Variants in METTL15 observed in about 807,000 individuals in gnomAD.
The protein encoded by METTL15 is methyltransferase 15, mitochondrial 12S rRNA N4-cytidine, also known as 12S rRNA N(4)-cytidine methyltransferase METTL15.
In METTL15, 34 loss-of-function variants were observed where a neutral mutation model predicts 38.3. That is an observed-to-expected ratio of 0.89 (90% CI 0.68 to 1.18). The LOEUF (loss-of-function observed/expected upper bound fraction) is 1.18, where lower values mean the gene tolerates loss of function less well. Among genes scored for constraint, METTL15 ranks in the 50% most tolerant of loss-of-function variants. METTL15 has a pLI of 0.00. For missense variants in METTL15, 438 were observed against 498.4 expected (o/e 0.88, Z 1.15); for synonymous variants, 162 against 170.9 (o/e 0.95, Z 0.41).
intron 3 of METTL15, among the ~76,000 whole-genome samples, chr11:28,169,633 A>G: frequency 6.6e-6 from 1 of 152,174 alleles, no homozygotes. Flanking sequence ...TGTTTTTAAC[A>G]TAAGAAACAC....
chr11:28,268,411 G>A (rs1411462602), intron 4 of METTL15, among the ~76,000 whole-genome samples: 2 of 152,032 alleles, frequency 1.3e-5, no homozygotes, highest in Non-Finnish European at 2.9e-5. Context: ...TAAGCTCTTT[G>A]TAGTTCATAG....
chr11:28,327,245 C>T (rs1471764556), intron 6 of METTL15, among the ~76,000 whole-genome samples: 1 of 152,172 alleles, frequency 6.6e-6, no homozygotes, highest in Non-Finnish European at 1.5e-5. Flanking sequence ...ATCCATCAGA[C>T]ATAATGCAGG....
At chr11:28,239,030 G>C (rs1482377709) in intron 4 of METTL15, among the ~76,000 whole-genome samples, 1 of 150,936 alleles carries the variant, frequency 6.6e-6, no homozygotes, top group African/African-American at 2.4e-5. Flanking sequence ...CCTAATATTT[G>C]TTCTTCTTCA....
intron 6 of METTL15, among the ~76,000 whole-genome samples, chr11:28,298,082 T>C (rs1343179455): frequency 6.6e-6 from 1 of 152,028 alleles, no homozygotes; most frequent in Non-Finnish European, 1.5e-5. Context: ...AACTTACCAT[T>C]GAGATTTCTT....
At chr11:28,185,020 T>G (rs1851442953) in intron 3 of METTL15, among the ~76,000 whole-genome samples, 1 of 151,516 alleles carries the variant, frequency 6.6e-6, no homozygotes, top group Non-Finnish European at 1.5e-5. Context: ...GTGTTGAATG[T>G]TAACATATAT....
At chr11:28,404,294 C>T (rs943737532) in intron 5 of METTL15, among the ~76,000 whole-genome samples, 1 of 151,952 alleles carries the variant, frequency 6.6e-6, no homozygotes, top group East Asian at 1.9e-4. Flanking sequence ...AAAACAATTA[C>T]CATAAATTGT....
chr11:28,249,310 T>C (rs967141069), intron 4 of METTL15, among the ~76,000 whole-genome samples: 2 of 152,012 alleles, frequency 1.3e-5, no homozygotes, highest in African/African-American at 4.8e-5. Flanking sequence ...GAATTTTACA[T>C]GTTACACATA....
chr11:28,502,116 A>G (rs1851589352), intron 6 of METTL15, among the ~76,000 whole-genome samples: 2 of 147,778 alleles, frequency 1.4e-5, no homozygotes, highest in African/African-American at 2.5e-5. Flanking sequence ...AAAAAAAAAG[A>G]AAAAAAAAGC....
At chr11:28,260,166 T>C (rs1428648797) in intron 4 of METTL15, among the ~76,000 whole-genome samples, 1 of 152,220 alleles carries the variant, frequency 6.6e-6, no homozygotes, top group Admixed American at 6.5e-5. Flanking sequence ...AAACATACTG[T>C]CCTTTCTGTA....
intron 6 of METTL15, among the ~76,000 whole-genome samples, chr11:28,326,890 C>T (rs374416615): frequency 2.8e-4 from 42 of 152,080 alleles, no homozygotes; most frequent in African/African-American, 9.4e-4. Context: ...AAAGTGCTCC[C>T]AAATCCTTCC....
chr11:28,344,155 G>A (rs973290757), intron 3 of METTL15, among the ~76,000 whole-genome samples: 3 of 152,038 alleles, frequency 2.0e-5, no homozygotes, highest in Non-Finnish European at 4.4e-5. Context: ...CATGCACTTT[G>A]ACTTCCATGA....
At chr11:28,514,041 T>A (rs2133503667) in intron 6 of METTL15, among the ~76,000 whole-genome samples, 1 of 152,342 alleles carries the variant, frequency 6.6e-6, no homozygotes, top group Admixed American at 6.5e-5. Flanking sequence ...GGAAGGTACA[T>A]GATGTGTTGA....
chr11:28,118,074 C>T (rs1852053598), intron 3 of METTL15, among the ~76,000 whole-genome samples: 1 of 152,022 alleles, frequency 6.6e-6, no homozygotes, highest in South Asian at 2.1e-4. Context: ...ACAATCTCAG[C>T]TTACTGCAAG....
At chr11:28,358,739 G>GC (rs2133366351) in intron 4 of METTL15, among the ~76,000 whole-genome samples, 1 of 152,240 alleles carries the variant, frequency 6.6e-6, no homozygotes, top group Admixed American at 6.5e-5. Flanking sequence ...CCAAAACCTA[G>GC]CATGGAATCT....
chr11:28,481,781 T>G (rs574770838), intron 6 of METTL15, among the ~76,000 whole-genome samples: 2 of 152,096 alleles, frequency 1.3e-5, no homozygotes, highest in African/African-American at 4.8e-5. Flanking sequence ...CATTATCCAG[T>G]CACATCTTAA....
At chr11:28,530,699 T>C (rs1027815435), downstream of METTL15, among the ~76,000 whole-genome samples, 1 of 152,042 alleles carries the variant, frequency 6.6e-6, no homozygotes, top group African/African-American at 2.4e-5. Flanking sequence ...AAATAAGAGA[T>C]TTAGAATTTT....
chr11:28,151,203 G>T (rs1850076799), intron 3 of METTL15, among the ~76,000 whole-genome samples: 1 of 151,696 alleles, frequency 6.6e-6, no homozygotes, highest in Admixed American at 6.6e-5. Context: ...TAATTTACTT[G>T]TTTTGGTTGG....
chr11:28,158,821 G>A (rs1321376473), intron 3 of METTL15, among the ~76,000 whole-genome samples: 2 of 152,166 alleles, frequency 1.3e-5, no homozygotes, highest in African/African-American at 2.4e-5. Flanking sequence ...TTGGTAGAAT[G>A]GTGGAATGGC....
intron 3 of METTL15, among the ~76,000 whole-genome samples, chr11:28,198,454 A>G (rs1271377892): frequency 6.6e-6 from 1 of 152,136 alleles, no homozygotes; most frequent in African/African-American, 2.4e-5. Context: ...TGAATAGGAA[A>G]GGATTTAAGC....
Sources: allele counts gnomAD v4.1 joint callset (sites outside exome capture counted in the v4.1 genomes callset), GRCh38; gene constraint gnomAD v4.1.1; transcripts MANE v1.5; gene names NCBI Gene and HGNC (gene_info 2026-07-23, HGNC 2026-07-21).